Variants in SPOCK1 observed in about 807,000 individuals in gnomAD.
SPOCK1 encodes the protein testican-1.
Under a neutral mutation model 55.3 loss-of-function variants are expected in SPOCK1, and 23 were observed. The observed-to-expected ratio is 0.42, with a 90% confidence interval of 0.30 to 0.59. SPOCK1 has a LOEUF of 0.59. SPOCK1 is among the 20% of genes least tolerant of loss of function. SPOCK1 has a pLI of 0.22. For missense variants in SPOCK1, 499 were observed against 552.5 expected, an observed-to-expected ratio of 0.90 and a Z score of 0.97; for synonymous variants, 226 against 221.0, an observed-to-expected ratio of 1.02 and a Z score of -0.20.
intron 6 of SPOCK1, among the ~76,000 whole-genome samples, chr5:137,037,058 C>T (rs1751899250): frequency 3.9e-5 from 6 of 152,034 alleles, no homozygotes; most frequent in Admixed American, 3.9e-4. Context: ...AGCTTAAGCT[C>T]CTTTTTCTAT....
chr5:137,051,529 T>C (rs1359227181), intron 6 of SPOCK1, among the ~76,000 whole-genome samples: 2 of 152,114 alleles, frequency 1.3e-5, no homozygotes, highest in African/African-American at 2.4e-5. Flanking sequence ...TAAACACATA[T>C]CAATGCCAGA....
At chr5:137,135,667 C>T (rs1404889934) in intron 4 of SPOCK1, among the ~76,000 whole-genome samples, 1 of 152,174 alleles carries the variant, frequency 6.6e-6, no homozygotes, top group African/African-American at 2.4e-5. Context: ...GGACAAATAA[C>T]CTGCTTTCTG....
chr5:137,397,684 C>G (rs184173879), intron 2 of SPOCK1, among the ~76,000 whole-genome samples: 10 of 152,338 alleles, frequency 6.6e-5, no homozygotes, highest in Admixed American at 5.9e-4. Flanking sequence ...CACTTACTAG[C>G]TCTTGACCTT....
chr5:137,262,560 T>G (rs1178984475), intron 3 of SPOCK1, among the ~76,000 whole-genome samples: 1 of 152,232 alleles, frequency 6.6e-6, no homozygotes, highest in Non-Finnish European at 1.5e-5. Flanking sequence ...AGAGACGTCT[T>G]CCTTAGTGTT....
At position 137,459,382 on chromosome 5, in the gene SPOCK1, T is replaced by A. The variant is rs1439630491; in HGVS notation, c.186+38991A>T. ...TCCAAGCCTTAGGGGAACTTTCCCA[T>A]CAATGAAGAGGTGGTTCCAAGAGCA... On this transcript the variant is annotated intron_variant, in intron 2 of 10. Coordinates refer to ENST00000394945, the MANE Select transcript of SPOCK1 (RefSeq NM_004598.4). Among the ~76,000 whole-genome samples the A allele has an allele frequency of 7.3e-5, 11 of 151,188 alleles. No homozygotes were observed. The South Asian group carries it at 2.1e-3, about 29-fold the overall frequency.
chr5:137,353,244 G>A (rs146782319), intron 2 of SPOCK1, among the ~76,000 whole-genome samples: 189 of 152,212 alleles, frequency 1.2e-3, no homozygotes, highest in African/African-American at 3.8e-3. Flanking sequence ...AGCTGGGTGC[G>A]GTGATGTACG....
intron 4 of SPOCK1, among the ~76,000 whole-genome samples, chr5:137,137,203 T>G (rs1353380069): frequency 6.6e-6 from 1 of 152,242 alleles, no homozygotes; most frequent in African/African-American, 2.4e-5. Context: ...ACTCTCTGTG[T>G]GCACTCATGA....
intron 2 of SPOCK1, among the ~76,000 whole-genome samples, chr5:137,306,142 A>T (rs1757697685): frequency 6.6e-6 from 1 of 152,172 alleles, no homozygotes; most frequent in East Asian, 1.9e-4. Flanking sequence ...AAGTCATGTG[A>T]CAAGAGGAAC....
At chr5:137,160,464 A>G (rs1417697385) in intron 3 of SPOCK1, among the ~76,000 whole-genome samples, 2 of 116,822 alleles carry the variant, frequency 1.7e-5, no homozygotes, top group African/African-American at 6.4e-5. Flanking sequence ...TGGGACATAG[A>G]ACATGTCAGT....
chr5:137,035,841 A>G (rs536210841), intron 6 of SPOCK1, among the ~76,000 whole-genome samples: 1 of 152,332 alleles, frequency 6.6e-6, no homozygotes, highest in Non-Finnish European at 1.5e-5. Context: ...TGGGGAAAGG[A>G]GAGACCAATG....
intron 5 of SPOCK1, among the ~76,000 whole-genome samples, chr5:137,093,305 C>T (rs968770503): frequency 6.6e-6 from 1 of 152,164 alleles, no homozygotes; most frequent in Non-Finnish European, 1.5e-5. Flanking sequence ...TGAAGAAGGG[C>T]AGGGTCTCTC....
rs73299830 is a variant in SPOCK1 at position 137,181,780 on chromosome 5, G to T, written c.233-41086C>A. 4.2e-3 allele frequency among the ~76,000 whole-genome samples: 633 copies of T among 152,354 alleles called. 4 individuals carry two copies. Among genetic ancestry groups the T allele is most frequent in the African/African-American group, 0.015 (609 of 41,576 alleles). Reference sequence around the variant, plus strand: ...GCCACCATCACCAGTTCTCTGAGCTGAGGATAATGTATGATAATCTAAATC... The same window carrying T: ...GCCACCATCACCAGTTCTCTGAGCTTAGGATAATGTATGATAATCTAAATC... On this transcript the variant is annotated intron_variant, in intron 3 of 10. Transcript: ENST00000394945.
At chr5:137,178,040 G>A (rs577071690) in intron 3 of SPOCK1, among the ~76,000 whole-genome samples, 2 of 152,260 alleles carry the variant, frequency 1.3e-5, no homozygotes, top group African/African-American at 2.4e-5. Context: ...CAAAGCCCTG[G>A]CAGGTGAGCA....
chr5:136,997,879 C>T (rs1443726101), intron 6 of SPOCK1, among the ~76,000 whole-genome samples: 1 of 152,192 alleles, frequency 6.6e-6, no homozygotes, highest in Non-Finnish European at 1.5e-5. Context: ...CCTGACTCTG[C>T]CCAGCACTGG....
chr5:137,379,416 A>T (rs1751407990), intron 2 of SPOCK1, among the ~76,000 whole-genome samples: 1 of 152,242 alleles, frequency 6.6e-6, no homozygotes, highest in Non-Finnish European at 1.5e-5. Flanking sequence ...AAGAAAAAAA[A>T]GTCCTGGGTA....
At chr5:137,370,453 T>A (rs1038494890) in intron 2 of SPOCK1, among the ~76,000 whole-genome samples, 8 of 152,202 alleles carry the variant, frequency 5.3e-5, no homozygotes, top group Admixed American at 6.5e-5. Context: ...AAACCTTGCA[T>A]ATTTTGACTG....
chr5:137,368,968 C>G (rs1351755764), intron 2 of SPOCK1, among the ~76,000 whole-genome samples: 1 of 152,248 alleles, frequency 6.6e-6, no homozygotes, highest in Non-Finnish European at 1.5e-5. Context: ...AAGGAATGAC[C>G]TAGATGCTGC....
At chr5:137,024,318 G>GGC (rs1751629451) in intron 6 of SPOCK1, among the ~76,000 whole-genome samples, 1 of 148,714 alleles carries the variant, frequency 6.7e-6, no homozygotes, top group Non-Finnish European at 1.5e-5. Flanking sequence ...GTTTGAAGGG[G>GGC]GGGGGGTAGT....
At chr5:137,153,482 G>A (rs1245308405) in intron 3 of SPOCK1, among the ~76,000 whole-genome samples, 1 of 152,124 alleles carries the variant, frequency 6.6e-6, no homozygotes, top group Non-Finnish European at 1.5e-5. Context: ...TGAGAATTTA[G>A]AGATGCTTAA....
Sources: allele counts gnomAD v4.1 joint callset (sites outside exome capture counted in the v4.1 genomes callset), GRCh38; gene constraint gnomAD v4.1.1; transcripts MANE v1.5; gene names NCBI Gene and HGNC (gene_info 2026-07-23, HGNC 2026-07-21).